Variants in PHACTR2 observed in about 807,000 individuals in gnomAD.
PHACTR2 encodes chromosome 6 open reading frame 56.
PHACTR2 carries 30 observed loss-of-function variants against 76.0 expected under a neutral mutation model. The ratio of observed to expected loss-of-function variants is 0.39; its 90% CI spans 0.30 to 0.54. The LOEUF (loss-of-function observed/expected upper bound fraction) is 0.54, where lower values mean the gene tolerates loss of function less well. PHACTR2 is among the 20% of genes least tolerant of loss of function. PHACTR2 has a pLI of 0.61. For synonymous variants in PHACTR2, 292 were observed against 292.5 expected, an observed-to-expected ratio of 1.00 and a Z score of 0.02; for missense variants, 696 against 781.1, an observed-to-expected ratio of 0.89 and a Z score of 1.30.
chr6:143,805,463 G>T (rs900315855), intron 11 of PHACTR2, among the ~76,000 whole-genome samples: 1 of 124,144 alleles, frequency 8.1e-6, no homozygotes, highest in Non-Finnish European at 1.6e-5. Context: ...TGGGTGACAA[G>T]AGTGAAACTC....
At chr6:143,740,932 C>A (rs1011049742) in intron 2 of PHACTR2, among the ~76,000 whole-genome samples, 1 of 152,192 alleles carries the variant, frequency 6.6e-6, no homozygotes, top group Non-Finnish European at 1.5e-5. Context: ...AGTCTCAATA[C>A]CCTTATCTGA....
intron 1 of PHACTR2, among the ~76,000 whole-genome samples, chr6:143,628,924 G>GAT (rs71024862): frequency 3.4e-3 from 114 of 33,962 alleles, no homozygotes; most frequent in African/African-American, 3.9e-3. Context: ...AAATGCAGGA[G>GAT]ATATATATAT....
intron 2 of PHACTR2, among the ~76,000 whole-genome samples, chr6:143,744,447 A>G (rs2128468711): frequency 6.6e-6 from 1 of 152,334 alleles, no homozygotes; most frequent in South Asian, 2.1e-4. Flanking sequence ...ATACTTACAC[A>G]TGTTAGGAGG....
rs1293828839 is a variant in PHACTR2, at chr6:143,617,862, A to G, written c.13+9540A>G. The stretch of plus-strand genomic sequence containing the variant: ...CTTGTGGAGTCTGTAGACTGGATCA[A>G]AGAAGGTGGTTACGGAGAGACTTAG... On this transcript the variant is annotated intron_variant, in intron 1 of 11. Transcript: ENST00000305766. The surrounding 1 kb of genome is among the most constrained non-coding windows in gnomAD (Gnocchi z 4.8). Among the ~76,000 whole-genome samples, 1 of 152,246 alleles carries G rather than the reference A, an allele frequency of 6.6e-6. No homozygotes were observed. Among genetic ancestry groups the G allele is most frequent in the East Asian group, 1.9e-4 (1 of 5,206 alleles).
At chr6:143,769,769 A>G (rs1300386995) in intron 6 of PHACTR2, among the ~76,000 whole-genome samples, 1 of 152,328 alleles carries the variant, frequency 6.6e-6, no homozygotes, top group East Asian at 1.9e-4. Flanking sequence ...TTCAGAACAT[A>G]TTATTAATTG....
intron 2 of PHACTR2, among the ~76,000 whole-genome samples, chr6:143,720,746 G>A (rs574767179): frequency 1.6e-4 from 24 of 152,196 alleles, no homozygotes; most frequent in African/African-American, 5.8e-4. Context: ...CTGAGTCATT[G>A]GGACCACAGG....
In PHACTR2 at chr6:143,791,678, C is replaced by T. The variant is rs1460341821; in HGVS notation, c.1845+2768C>T. On this transcript the variant is annotated intron_variant, in intron 11 of 12. Coordinates refer to ENST00000440869, the MANE Select transcript of PHACTR2 (RefSeq NM_001100164.2). This position sits in a 1 kb window ranked among gnomAD's most constrained non-coding sequence, Gnocchi z 4.7. ...AGGTAACAAACAAGACATGTTAAAT[C>T]TCCCACTATGTGGATTTTTTTTTTT... 6.6e-6 allele frequency among the ~76,000 whole-genome samples: 1 copy of T among 152,000 alleles called. No individual in the cohort carries two copies. The highest frequency in any genetic ancestry group is 1.9e-4 in the East Asian group (1 of 5,200).
Position 143,556,874 on chromosome 6 carries a change from G to T in PHACTR2, c.217+19667G>T, listed in dbSNP as rs532103132. Among the ~76,000 whole-genome samples the T allele has an allele frequency of 7.2e-5, 11 of 152,242 alleles. No individual in the cohort carries two copies. In the South Asian group the frequency reaches 2.3e-3, roughly 32 times the overall value. The stretch of plus-strand genomic sequence containing the variant: ...TAAGTATTCTTTTTTAAAAATATGG[G>T]CCAGGAACTAATAAAAATGATGCAC... On this transcript the variant is annotated intron_variant, in intron 1 of 11. Coordinates refer to the PHACTR2 transcript ENST00000367584. This position sits in a 1 kb window ranked among gnomAD's most constrained non-coding sequence, Gnocchi z 4.3.
intron 1 of PHACTR2, among the ~76,000 whole-genome samples, chr6:143,642,278 AT>A (rs2128444297): frequency 6.6e-6 from 1 of 152,340 alleles, no homozygotes; most frequent in South Asian, 2.1e-4. Flanking sequence ...TTAGGGAGAA[AT>A]TATTTATTGT....
At chr6:143,817,202 C>G (rs531403977) in intron 12 of PHACTR2, among the ~76,000 whole-genome samples, 1 of 152,262 alleles carries the variant, frequency 6.6e-6, no homozygotes, top group East Asian at 1.9e-4. Flanking sequence ...TTTCCTTATC[C>G]TTGCCCCTTG....
Position 143,800,389 on chromosome 6 carries a change from G to A in PHACTR2, c.1846-6668G>A, listed in dbSNP as rs903200349. Among the ~76,000 whole-genome samples, 17 of 152,262 alleles carry A rather than the reference G, an allele frequency of 1.1e-4. No homozygotes were observed. In the East Asian group the frequency reaches 3.3e-3, roughly 29 times the overall value. On this transcript the variant is annotated intron_variant, in intron 11 of 12. Transcript: ENST00000440869. This position sits in a 1 kb window ranked among gnomAD's most constrained non-coding sequence, Gnocchi z 4.8. Reference sequence around the variant, plus strand: ...CTATTCTCCTGCCTCAGCCTCCTGAGTAGCTGGGACTACAGGTGCCCGCCA... The same window carrying A: ...CTATTCTCCTGCCTCAGCCTCCTGAATAGCTGGGACTACAGGTGCCCGCCA...
chr6:143,756,431 C>G (rs1176390776), intron 4 of PHACTR2, among the ~76,000 whole-genome samples: 1 of 152,168 alleles, frequency 6.6e-6, no homozygotes, highest in African/African-American at 2.4e-5. Flanking sequence ...CGCCGTGGCT[C>G]ACGCCTGTAA....
chr6:143,705,389 G>A (rs1408742602), intron 1 of PHACTR2, among the ~76,000 whole-genome samples: 2 of 149,716 alleles, frequency 1.3e-5, no homozygotes, highest in African/African-American at 5.0e-5. Context: ...CTGCCTCCCG[G>A]GTTCACGCCA....
chr6:143,644,417 G>A (rs1677126995), intron 1 of PHACTR2, among the ~76,000 whole-genome samples: 2 of 140,450 alleles, frequency 1.4e-5, no homozygotes, highest in South Asian at 2.2e-4. Flanking sequence ...GCAGTGAGCC[G>A]AGATCGCACC....
chr6:143,645,114 A>T (rs1336085233), intron 1 of PHACTR2, among the ~76,000 whole-genome samples: 1 of 152,086 alleles, frequency 6.6e-6, no homozygotes, highest in Non-Finnish European at 1.5e-5. Context: ...CTAAAAGTAG[A>T]TCTACTATTT....
Position 143,801,151 on chromosome 6 carries a change from G to A in PHACTR2, c.1846-5906G>A, listed in dbSNP as rs529476312. The stretch of plus-strand genomic sequence containing the variant: ...CATTTTTTCCTCCATTTCAACCTTC[G>A]TGAATCTGACAGTTATGTGTCTTGG... On this transcript the variant is annotated intron_variant, in intron 11 of 12. Transcript: ENST00000440869. This position sits in a 1 kb window ranked among gnomAD's most constrained non-coding sequence, Gnocchi z 4.6. 3.3e-5 allele frequency among the ~76,000 whole-genome samples: 5 copies of A among 152,038 alleles called. No homozygotes were observed. Among genetic ancestry groups the A allele is most frequent in the South Asian group, 2.1e-4 (1 of 4,812 alleles).
At position 143,696,569 on chromosome 6, in the gene PHACTR2, A is replaced by G. The variant is rs1278522842; in HGVS notation, c.47-15447A>G. Among the ~76,000 whole-genome samples, 1 of 152,204 alleles carries G rather than the reference A, an allele frequency of 6.6e-6. No homozygotes were observed. The highest frequency in any genetic ancestry group is 1.5e-5 in the Non-Finnish European group (1 of 68,042). On this transcript the variant is annotated intron_variant, in intron 1 of 12. Transcript: ENST00000440869. The surrounding 1 kb of genome is among the most constrained non-coding windows in gnomAD (Gnocchi z 4.1). ...GGAAGGGACTCTGAAAGGTTGAATT[A>G]CAGACCTAAGGTTACCAGCTAGGAT...
In PHACTR2 at chr6:143,684,395, G is replaced by T. The variant is rs571995182; in HGVS notation, c.46+6186G>T. Among the ~76,000 whole-genome samples the T allele has an allele frequency of 1.7e-4, 26 of 152,220 alleles. No individual in the cohort carries two copies. The East Asian group carries it at 4.6e-3, about 27-fold the overall frequency. On this transcript the variant is annotated intron_variant, in intron 1 of 12. Transcript: ENST00000440869. The surrounding 1 kb of genome is among the most constrained non-coding windows in gnomAD (Gnocchi z 4.3). ...CCACATGGATCCATCAGCAGGTCTT[G>T]TTCTTTTTTCTTCCCAAATATATCT...
Position 143,783,992 on chromosome 6 carries a change from A to G in PHACTR2, c.1707+712A>G, listed in dbSNP as rs562008864. On this transcript the variant is annotated intron_variant, in intron 10 of 12. Coordinates refer to ENST00000440869, the MANE Select transcript of PHACTR2 (RefSeq NM_001100164.2). The surrounding 1 kb of genome is among the most constrained non-coding windows in gnomAD (Gnocchi z 5.2). ...CAACATAGTGAGACCTTGTTTCAAA[A>G]AAAAAGAATTAATTGAAAATTAATC... is the stretch of plus-strand genomic sequence containing the variant. 1.5e-4 allele frequency among the ~76,000 whole-genome samples: 23 copies of G among 152,224 alleles called. No homozygotes were observed. Among genetic ancestry groups the G allele is most frequent in the African/African-American group, 5.3e-4 (22 of 41,536 alleles).
Sources: gnomAD v4.1 joint callset for allele counts (sites outside exome capture counted in the v4.1 genomes callset) on GRCh38, gnomAD v4.1.1 for gene constraint, Gnocchi (gnomAD v3.1) non-coding constraint, MANE v1.5 for transcripts, NCBI Gene and HGNC (gene_info 2026-07-23, HGNC 2026-07-21) for gene names.